IMMP2L: variants seen among roughly 807,000 people sequenced by gnomAD.
IMMP2L encodes the protein inner mitochondrial membrane peptidase subunit 2, also known as mitochondrial inner membrane protease subunit 2.
IMMP2L carries 18 observed loss-of-function variants against 19.3 expected under a neutral mutation model. The ratio of observed to expected loss-of-function variants is 0.93; its 90% CI spans 0.64 to 1.38. IMMP2L has a LOEUF of 1.38. Among genes scored for constraint, IMMP2L ranks in the 40% most tolerant of loss-of-function variants. The probability of loss-of-function intolerance (pLI) is 0.00; values close to 1 mark genes in which losing one functional copy is unlikely to be tolerated. For missense variants in IMMP2L, 233 were observed against 218.2 expected (o/e 1.07, Z -0.43); for synonymous variants, 76 against 73.0 (o/e 1.04, Z -0.21).
chr7:111,396,437 G>A (rs1832870725), intron 3 of IMMP2L, among the ~76,000 whole-genome samples: 1 of 152,066 alleles, frequency 6.6e-6, no homozygotes, highest in Non-Finnish European at 1.5e-5. Flanking sequence ...ACTCATAAGT[G>A]GCAGTTGAAC....
chr7:110,835,050 C>T (rs1804313013), intron 5 of IMMP2L, among the ~76,000 whole-genome samples: 1 of 152,118 alleles, frequency 6.6e-6, no homozygotes, highest in East Asian at 1.9e-4. Context: ...AGATTCATCA[C>T]CTGTGCCACC....
At chr7:111,274,248 T>C (rs1818784390) in intron 3 of IMMP2L, among the ~76,000 whole-genome samples, 1 of 152,152 alleles carries the variant, frequency 6.6e-6, no homozygotes, top group Non-Finnish European at 1.5e-5. Context: ...CTTTTCAAAA[T>C]GGGAAGTCAT....
At chr7:111,124,276 G>C in intron 3 of IMMP2L, 1 of 1,613,990 alleles carries the variant, frequency 6.2e-7, no homozygotes, top group Middle Eastern at 1.7e-4. Context: ...AACTAACCTA[G>C]TTGGCGCTGA....
intron 4 of IMMP2L, among the ~76,000 whole-genome samples, chr7:110,896,163 C>T (rs191692239): frequency 1.6e-4 from 24 of 152,042 alleles, no homozygotes; most frequent in South Asian, 1.2e-3. Flanking sequence ...ATTACTTTTG[C>T]GCCAACCTAG....
intron 3 of IMMP2L, among the ~76,000 whole-genome samples, chr7:111,167,083 T>A (rs1218373829): frequency 6.6e-6 from 1 of 152,024 alleles, no homozygotes; most frequent in Admixed American, 6.6e-5. Context: ...CATGTGAAGC[T>A]GTTATGATGC....
In IMMP2L at chr7:110,712,831, G is replaced by A. The variant is rs1217878316; in HGVS notation, c.409-49110C>T. ...GAAAGGGGACTCCCTGACCCCTTGCGCTTCCCAGGTGAGGCAATGCCTCAC... is the reference window on the plus strand; with the variant it reads ...GAAAGGGGACTCCCTGACCCCTTGCACTTCCCAGGTGAGGCAATGCCTCAC... On this transcript the variant is annotated intron_variant, in intron 5 of 5. Transcript: ENST00000405709. Among the ~76,000 whole-genome samples the A allele has an allele frequency of 1.0e-4, 13 of 124,828 alleles. No individual in the cohort carries two copies. The East Asian group carries it at 2.6e-3, about 25-fold the overall frequency. The allele number at this position is 124,828 out of a possible 152,430, so 81.9% of individuals were successfully genotyped here.
At chr7:111,281,141 AGAAAGACAGAAAGAC>A (rs1248686456) in intron 3 of IMMP2L, among the ~76,000 whole-genome samples, 5 of 62,744 alleles carry the variant, frequency 8.0e-5, no homozygotes, top group East Asian at 6.0e-4. Flanking sequence ...AGAGAAAGAC[AGAAAGACAGAAAGAC>A]AGAAAGAAAG....
intron 5 of IMMP2L, among the ~76,000 whole-genome samples, chr7:110,772,937 G>A (rs926695706): frequency 4.0e-5 from 6 of 151,758 alleles, no homozygotes; most frequent in African/African-American, 1.2e-4. Context: ...AAGTACTATC[G>A]GCCATATTCA....
At chr7:111,451,275 C>T (rs1382646922) in intron 3 of IMMP2L, among the ~76,000 whole-genome samples, 16 of 149,442 alleles carry the variant, frequency 1.1e-4, no homozygotes, top group Non-Finnish European at 1.5e-4. Context: ...ATGTTTATTG[C>T]GGCATTATTC....
chr7:111,497,943 C>G lies in IMMP2L; in HGVS notation c.136-10602G>C, dbSNP rs191558288. On this transcript the variant is annotated intron_variant, in intron 2 of 5. Transcript: ENST00000405709. Reference sequence around the variant, plus strand: ...AATAAATAATTCTGAAAGGTGGTATCAATTATTTATTTTCCACATTTTTCT... The same window carrying G: ...AATAAATAATTCTGAAAGGTGGTATGAATTATTTATTTTCCACATTTTTCT... 1.1e-4 allele frequency among the ~76,000 whole-genome samples: 16 copies of G among 151,526 alleles called. No homozygotes were observed. In the East Asian group the frequency reaches 3.1e-3, roughly 29 times the overall value.
At chr7:111,417,136 T>A (rs904503955) in intron 3 of IMMP2L, among the ~76,000 whole-genome samples, 6 of 151,656 alleles carry the variant, frequency 4.0e-5, no homozygotes, top group Non-Finnish European at 7.4e-5. Flanking sequence ...CAGAGTTGAG[T>A]TTACCATAAA....
intron 5 of IMMP2L, among the ~76,000 whole-genome samples, chr7:110,786,834 G>T (rs1800111205): frequency 1.3e-5 from 2 of 152,008 alleles, no homozygotes. Context: ...GAATTAACTT[G>T]CAGGCTTCCT....
At chr7:111,181,772 C>A (rs1807736392) in intron 3 of IMMP2L, among the ~76,000 whole-genome samples, 1 of 151,930 alleles carries the variant, frequency 6.6e-6, no homozygotes, top group African/African-American at 2.4e-5. Flanking sequence ...TTTTCAACGG[C>A]ATGATAAAAG....
At chr7:110,869,985 A>G (rs1452086206) in intron 5 of IMMP2L, among the ~76,000 whole-genome samples, 1 of 152,102 alleles carries the variant, frequency 6.6e-6, no homozygotes, top group Admixed American at 6.6e-5. Context: ...AGATAAGACA[A>G]TAATTTCTTT....
chr7:110,669,861 T>A (rs1335452296), intron 5 of IMMP2L, among the ~76,000 whole-genome samples: 1 of 152,108 alleles, frequency 6.6e-6, no homozygotes, highest in Non-Finnish European at 1.5e-5. Flanking sequence ...TAAGTCAGGA[T>A]AATAAAAATA....
chr7:111,026,832 T>C (rs1585826663), intron 3 of IMMP2L, among the ~76,000 whole-genome samples: 3 of 152,164 alleles, frequency 2.0e-5, no homozygotes, highest in Admixed American at 6.6e-5. Context: ...TAAGTAGTTG[T>C]ATACAGTTGT....
At chr7:111,470,017 C>A (rs1841079418) in intron 3 of IMMP2L, among the ~76,000 whole-genome samples, 2 of 151,932 alleles carry the variant, frequency 1.3e-5, no homozygotes, top group Admixed American at 6.6e-5. Flanking sequence ...TGAACTCAAA[C>A]AAATTTACAA....
At chr7:111,466,997 T>C (rs1585221476) in intron 3 of IMMP2L, among the ~76,000 whole-genome samples, 1 of 152,122 alleles carries the variant, frequency 6.6e-6, no homozygotes, top group South Asian at 2.1e-4. Context: ...CAATTCCCCA[T>C]GGATATGAAG....
intron 3 of IMMP2L, among the ~76,000 whole-genome samples, chr7:111,243,565 T>C (rs1815460060): frequency 6.9e-6 from 1 of 145,072 alleles, no homozygotes; most frequent in Admixed American, 6.9e-5. Context: ...GTGCACATTG[T>C]GCAGGTTAGT....
Sources: allele counts gnomAD v4.1 joint callset (sites outside exome capture counted in the v4.1 genomes callset), GRCh38; gene constraint gnomAD v4.1.1; transcripts MANE v1.5; gene names NCBI Gene and HGNC (gene_info 2026-07-23, HGNC 2026-07-21).